Variants in DMC1 observed in about 807,000 individuals in gnomAD.
The protein encoded by DMC1 is meiotic recombination protein DMC1 homolog.
Under a neutral mutation model 50.1 loss-of-function variants are expected in DMC1, and 27 were observed. The ratio of observed to expected loss-of-function variants is 0.54; its 90% confidence interval spans 0.40 to 0.74. The LOEUF (loss-of-function observed/expected upper bound fraction) is 0.74. DMC1 is among the 30% of genes least tolerant of loss of function. The pLI is 0.00. For synonymous variants in DMC1, 148 were observed against 136.1 expected (o/e 1.09, Z -0.61); for missense variants, 295 against 420.2 (o/e 0.70, Z 2.60).
intron 12 of DMC1, among the ~76,000 whole-genome samples, chr22:38,522,821 A>G (rs962022014): frequency 3.9e-5 from 6 of 152,210 alleles, no homozygotes; most frequent in Middle Eastern, 3.2e-3. Context: ...GGTTAAATAT[A>G]TTTAGACTGT....
At position 38,538,617 on chromosome 22, in the gene DMC1, T is replaced by A; in HGVS notation, c.587-5A>T. ...GTAGCTCCATCTGATGTTCACCTGA[T>A]GGGAAATGCAGTGAGAAAATGTTAT... On this transcript the variant is annotated splice_region_variant and splice_polypyrimidine_tract_variant and intron_variant, in intron 9 of 13. Coordinates refer to ENST00000216024, the MANE Select transcript of DMC1 (RefSeq NM_007068.4). The A allele has an allele frequency of 6.2e-7, 1 of 1,612,818 alleles. No homozygotes were observed. Among genetic ancestry groups the A allele is most frequent in the Non-Finnish European group, 8.5e-7 (1 of 1,178,868 alleles).
At chr22:38,548,595 C>T (rs1245023967) in intron 8 of DMC1, among the ~76,000 whole-genome samples, 6 of 152,018 alleles carry the variant, frequency 3.9e-5, no homozygotes, top group Non-Finnish European at 8.8e-5. Flanking sequence ...AAAATTAGGC[C>T]AGGCGTGATG....
chr22:38,511,693 C>A, the DMC1 span, among the ~76,000 whole-genome samples: 1 of 152,022 alleles, frequency 6.6e-6, no homozygotes, highest in African/African-American at 2.4e-5. Flanking sequence ...TCTTGAACTC[C>A]TAGGCTCAAG....
intron 5 of DMC1, among the ~76,000 whole-genome samples, chr22:38,558,520 G>T (rs2090492279): frequency 6.6e-6 from 1 of 152,020 alleles, no homozygotes; most frequent in Admixed American, 6.6e-5. Flanking sequence ...TTCGAGGCCA[G>T]CCTGGCCAAC....
chr22:38,562,557 TC>T (rs901231254), intron 4 of DMC1, among the ~76,000 whole-genome samples, 188 bp from the exon 5 acceptor site: 4 of 152,178 alleles, frequency 2.6e-5, no homozygotes, highest in Admixed American at 6.6e-5. Context: ...CTTTCTAGGT[TC>T]AAATCATGTC....
intron 12 of DMC1, among the ~76,000 whole-genome samples, chr22:38,522,554 CCTT>C (rs1447186516): frequency 1.3e-5 from 2 of 151,840 alleles, no homozygotes; most frequent in African/African-American, 2.4e-5. Flanking sequence ...GAATAAGACT[CCTT>C]CTCAAAAAAC....
At position 38,566,564 on chromosome 22, in the gene DMC1, A is replaced by T. The variant is rs781743237; in HGVS notation, c.243+26T>A. The T allele has an allele frequency of 3.7e-6, 6 of 1,613,748 alleles. No homozygotes were observed. The East Asian group carries it at 1.3e-4, about 36-fold the overall frequency. On this transcript the variant is annotated intron_variant, in intron 4 of 13. Coordinates refer to ENST00000216024, the MANE Select transcript of DMC1 (RefSeq NM_007068.4). ...GATTCACAAGGCCCTGCCAAGCTAA[A>T]ACAGCAAAGAATGGATTTTGCTTAC...
At position 38,566,677 on chromosome 22, in the gene DMC1, C is replaced by T. The variant is rs374220940; in HGVS notation, c.156G>A (p.Gln52=). 3.1e-6 allele frequency: 5 copies of T among 1,613,674 alleles called. No individual in the cohort carries two copies. Among genetic ancestry groups the T allele is most frequent in the Non-Finnish European group, 8.5e-7 (1 of 1,179,686 alleles). ...TGCATAGAGCTCTTCTTGTTGTCATCTGTATACCTTTGATGGTACAGATTC... is the reference window on the plus strand; with the variant it reads ...TGCATAGAGCTCTTCTTGTTGTCATTTGTATACCTTTGATGGTACAGATTC... ...SVGICTIKGI[Q]MTTRRALCNV... The change falls in exon 4 of 14, where the codon CAG becomes CAA. Residue 52 remains glutamine (Q), a synonymous_variant. Transcript: ENST00000216024.
chr22:38,567,925 C>CG (rs1569173442), intron 2 of DMC1, among the ~76,000 whole-genome samples: 79 of 152,178 alleles, frequency 5.2e-4, no homozygotes, highest in Non-Finnish European at 1.1e-3. Context: ...TCTTCCCCTC[C>CG]AGATCCTAAA....
rs2090005458 is a variant in DMC1, at chr22:38,519,930, C to A, written c.*90G>T. ...TTCTTTAGTAACATGTGGGAAAAAA[C>A]CTCTATTTCAAGATGTGAAATTGGA... On this transcript the variant is annotated 3_prime_UTR_variant, in exon 14 of 14. Coordinates refer to ENST00000216024, the MANE Select transcript of DMC1 (RefSeq NM_007068.4). 1.9e-6 allele frequency: 2 copies of A among 1,063,628 alleles called. No individual in the cohort carries two copies. The highest frequency in any genetic ancestry group is 1.7e-5 in the Admixed American group (1 of 58,180). 65.9% of individuals were successfully genotyped at this position (1,063,628 alleles called of 1,614,324 possible). A position where few individuals can be genotyped will look rare whatever the true frequency, so the allele number is the denominator to read the frequency against.
At chr22:38,568,678 C>G (rs2090606715) in intron 1 of DMC1, among the ~76,000 whole-genome samples, 1 of 152,184 alleles carries the variant, frequency 6.6e-6, no homozygotes, top group African/African-American at 2.4e-5. Context: ...AACAACAATA[C>G]TCTAGGAACC....
intron 1 of DMC1, among the ~76,000 whole-genome samples, chr22:38,569,108 T>A (rs547897091): frequency 6.7e-6 from 1 of 148,890 alleles, no homozygotes; most frequent in African/African-American, 2.5e-5. Flanking sequence ...CGCTTGAACC[T>A]GGGAGGCGGA....
chr22:38,539,249 T>C, intron 9 of DMC1, 72 bp downstream of exon 9: 1 of 1,033,800 alleles, frequency 9.7e-7, no homozygotes, highest in Non-Finnish European at 1.5e-6. Flanking sequence ...CAAAATGTTG[T>C]ATCCCTCAAG....
At chr22:38,544,138 A>G (rs968547220) in intron 8 of DMC1, among the ~76,000 whole-genome samples, 8 of 152,222 alleles carry the variant, frequency 5.3e-5, no homozygotes, top group Non-Finnish European at 5.9e-5. Context: ...AAACTACTCT[A>G]TAGGAAAAAA....
At position 38,568,252 on chromosome 22, in the gene DMC1, T is replaced by G; in HGVS notation, c.5A>C (p.Lys2Thr). The change falls in exon 2 of 14, where the codon AAG becomes ACG. Residue 2 changes from lysine to threonine, a missense_variant. Coordinates refer to ENST00000216024, the MANE Select transcript of DMC1 (RefSeq NM_007068.4). M[K>T]EDQVVAEEPG... ...TTCTTCCGCCACAACTTGATCCTCC[T>G]TCATATTGAAAAGTGGGCAACAGAA... 3 of 1,614,118 alleles carry G rather than the reference T, an allele frequency of 1.9e-6. No individual in the cohort carries two copies. Among genetic ancestry groups the G allele is most frequent in the Non-Finnish European group, 2.5e-6 (3 of 1,179,978 alleles).
chr22:38,559,065 T>C (rs1248579486), intron 5 of DMC1, among the ~76,000 whole-genome samples: 1 of 152,194 alleles, frequency 6.6e-6, no homozygotes, highest in East Asian at 1.9e-4. Flanking sequence ...AGTCTCACTC[T>C]ATTGCCCAGG....
the DMC1 span, among the ~76,000 whole-genome samples, chr22:38,513,896 T>C: frequency 2.0e-5 from 3 of 152,338 alleles, no homozygotes; most frequent in South Asian, 6.2e-4. Context: ...GAAAAAGGCA[T>C]GTTCCTAGTG....
At chr22:38,539,747 G>A (rs570408111) in intron 8 of DMC1, among the ~76,000 whole-genome samples, 5 of 152,110 alleles carry the variant, frequency 3.3e-5, no homozygotes, top group Non-Finnish European at 7.4e-5. Context: ...ACAGAGATTA[G>A]GCAAATGACT....
At chr22:38,531,406 C>T (rs1431512902) in intron 12 of DMC1, among the ~76,000 whole-genome samples, 2 of 152,086 alleles carry the variant, frequency 1.3e-5, no homozygotes, top group Non-Finnish European at 2.9e-5. Flanking sequence ...AAGTATAATG[C>T]ATGGGATATA....
Sources: gnomAD v4.1 joint callset for allele counts (sites outside exome capture counted in the v4.1 genomes callset) on GRCh38, gnomAD v4.1.1 for gene constraint, MANE v1.5 for transcripts, NCBI Gene and HGNC (gene_info 2026-07-23, HGNC 2026-07-21) for gene names.